RAP1GAP2: variants seen among roughly 807,000 people sequenced by gnomAD.
RAP1GAP2 encodes the protein rap1 GTPase-activating protein 2.
RAP1GAP2 carries 27 observed loss-of-function variants against 95.0 expected under a neutral mutation model. The ratio of observed to expected loss-of-function variants is 0.28; its 90% CI spans 0.21 to 0.39. The LOEUF is 0.39. RAP1GAP2 is among the 10% of genes least tolerant of loss of function. The pLI is 1.00. For missense variants in RAP1GAP2, 771 were observed against 970.0 expected, an observed-to-expected ratio of 0.79 and a Z score of 2.72; for synonymous variants, 373 against 380.9, an observed-to-expected ratio of 0.98 and a Z score of 0.24.
At chr17:2,757,872 A>G (rs1171898859) in intron 1 of RAP1GAP2, among the ~76,000 whole-genome samples, 1 of 147,512 alleles carries the variant, frequency 6.8e-6, no homozygotes, top group Non-Finnish European at 1.5e-5. Context: ...ATGATGCCTG[A>G]ATTTTTTTTT....
intron 3 of RAP1GAP2, among the ~76,000 whole-genome samples, chr17:2,916,375 C>A (rs564009129): frequency 1.3e-4 from 20 of 152,314 alleles, no homozygotes; most frequent in Admixed American, 8.5e-4. Flanking sequence ...TTCAACAAAG[C>A]ACCGTAGGCA....
chr17:2,905,992 G>A (rs565555919), intron 3 of RAP1GAP2, among the ~76,000 whole-genome samples: 46 of 152,310 alleles, frequency 3.0e-4, no homozygotes, highest in African/African-American at 1.1e-3. Context: ...TCAGTCCGAC[G>A]CCTCGGCAGG....
At chr17:2,805,187 G>GA (rs899457179) in intron 2 of RAP1GAP2, among the ~76,000 whole-genome samples, 1 of 152,190 alleles carries the variant, frequency 6.6e-6, no homozygotes, top group African/African-American at 2.4e-5. Flanking sequence ...AGGAAGGAGA[G>GA]AAAGAGGCAG....
At chr17:2,944,964 G>A (rs1210916315) in intron 3 of RAP1GAP2, among the ~76,000 whole-genome samples, 1 of 152,044 alleles carries the variant, frequency 6.6e-6, no homozygotes, top group African/African-American at 2.4e-5. Flanking sequence ...CTCACTGCAA[G>A]CTCTGTCTCC....
In RAP1GAP2 at chr17:2,985,043, G is replaced by A. The variant is rs944207789; in HGVS notation, c.790G>A (p.Val264Ile). The change falls in exon 11 of 25, where the codon GTC (valine) becomes ATC (isoleucine). Residue 264 changes from valine (V) to isoleucine (I), a missense_variant. Coordinates refer to ENST00000254695, the MANE Select transcript of RAP1GAP2 (RefSeq NM_015085.5). Reference sequence around the variant, plus strand: ...AGTCAACAACACATTCAAATTCGGAGTCATTTATCAAAAAGCCAGGCAGGT... The same window carrying A: ...AGTCAACAACACATTCAAATTCGGAATCATTTATCAAAAAGCCAGGCAGGT... ...HEVNNTFKFG[V>I]IYQKARQTLE... 6.2e-7 allele frequency: 1 copy of A among 1,613,660 alleles called. No individual in the cohort carries two copies. Among genetic ancestry groups the A allele is most frequent in the African/African-American group, 1.3e-5 (1 of 74,844 alleles).
In RAP1GAP2 at chr17:2,855,009, T is replaced by A. The variant is rs2072072752; in HGVS notation, c.81-50275T>A. Among the ~76,000 whole-genome samples, 1 of 152,116 alleles carries A rather than the reference T, an allele frequency of 6.6e-6. No individual in the cohort carries two copies. The highest frequency in any genetic ancestry group is 2.1e-4 in the South Asian group (1 of 4,832). ...TTGGAATGGTTAATACCGCACCCTATAAGACACGGGCAGTGGAACCAGAGA... is the reference window on the plus strand; with the variant it reads ...TTGGAATGGTTAATACCGCACCCTAAAAGACACGGGCAGTGGAACCAGAGA... On this transcript the variant is annotated intron_variant, in intron 2 of 24. Coordinates refer to ENST00000254695, the MANE Select transcript of RAP1GAP2 (RefSeq NM_015085.5). This position sits in a 1 kb window ranked among gnomAD's most constrained non-coding sequence, Gnocchi z 4.3.
intron 2 of RAP1GAP2, among the ~76,000 whole-genome samples, chr17:2,848,776 A>C (rs950141825): frequency 2.6e-5 from 4 of 152,088 alleles, no homozygotes; most frequent in Admixed American, 6.5e-5. Context: ...GGCCTTCCAA[A>C]GTGTTGGGAT....
upstream of RAP1GAP2, among the ~76,000 whole-genome samples, chr17:2,791,701 C>T (rs564295020): frequency 2.1e-4 from 32 of 152,256 alleles, no homozygotes; most frequent in African/African-American, 7.5e-4. Context: ...AGGAGACTCA[C>T]AGATGCCGGT....
intron 2 of RAP1GAP2, among the ~76,000 whole-genome samples, chr17:2,848,522 T>G (rs2071685386): frequency 6.6e-6 from 1 of 151,512 alleles, no homozygotes; most frequent in Non-Finnish European, 1.5e-5. Context: ...TTTAATTAGT[T>G]ATTTATTTAT....
rs901807286 is a variant in RAP1GAP2 at position 2,963,354 on chromosome 17, C to A, written c.247-76C>A. On this transcript the variant is annotated intron_variant, in intron 5 of 24. Coordinates refer to ENST00000254695, the MANE Select transcript of RAP1GAP2 (RefSeq NM_015085.5). This position sits in a 1 kb window ranked among gnomAD's most constrained non-coding sequence, Gnocchi z 4.8. Reference sequence around the variant, plus strand: ...GCCCCCCCACAACATATCCCCCTTGCAAGACCTGGAAACAGTGGTCAGACT... The same window carrying A: ...GCCCCCCCACAACATATCCCCCTTGAAAGACCTGGAAACAGTGGTCAGACT... The A allele has an allele frequency of 3.8e-6, 6 of 1,561,822 alleles. 1 individual carries two copies. The South Asian group carries it at 5.6e-5, about 14-fold the overall frequency.
At chr17:2,959,293 G>T (rs1313340874) in intron 4 of RAP1GAP2, among the ~76,000 whole-genome samples, 1 of 152,128 alleles carries the variant, frequency 6.6e-6, no homozygotes, top group Non-Finnish European at 1.5e-5. Flanking sequence ...TGTAGAGGCT[G>T]CAGGGCTTGT....
intron 11 of RAP1GAP2, among the ~76,000 whole-genome samples, chr17:2,988,680 T>A (rs2045640182): frequency 6.6e-6 from 1 of 152,238 alleles, no homozygotes; most frequent in Non-Finnish European, 1.5e-5. Flanking sequence ...TATATAGGTT[T>A]TTGTGTGAAC....
chr17:2,970,409 A>G (rs2044816228), intron 8 of RAP1GAP2, among the ~76,000 whole-genome samples: 1 of 152,170 alleles, frequency 6.6e-6, no homozygotes, highest in Admixed American at 6.5e-5. Flanking sequence ...ATAGTTTCTC[A>G]GATGAGATAG....
At chr17:2,780,524 G>A (rs12937313) in intron 1 of RAP1GAP2, among the ~76,000 whole-genome samples, 1 of 152,062 alleles carries the variant, frequency 6.6e-6, no homozygotes, top group Non-Finnish European at 1.5e-5. Flanking sequence ...GGCCTTGTCT[G>A]CCTACCCTCT....
chr17:2,777,381 C>G (rs956176969), intron 1 of RAP1GAP2: 35 of 152,378 alleles, frequency 2.3e-4, no homozygotes, highest in African/African-American at 7.0e-4. Context: ...CATCCTCGCT[C>G]CAGCCTGTGC....
At chr17:2,950,026 T>C (rs1424993178) in intron 3 of RAP1GAP2, among the ~76,000 whole-genome samples, 1 of 150,038 alleles carries the variant, frequency 6.7e-6, no homozygotes, top group Non-Finnish European at 1.5e-5. Flanking sequence ...GCATCTTCAT[T>C]CAGACCCATT....
intron 3 of RAP1GAP2, among the ~76,000 whole-genome samples, chr17:2,921,118 G>A (rs1036834875): frequency 2.0e-5 from 3 of 152,170 alleles, no homozygotes; most frequent in Non-Finnish European, 4.4e-5. Flanking sequence ...GCCTTGGGGT[G>A]TAGATTTGAT....
upstream of RAP1GAP2, among the ~76,000 whole-genome samples, chr17:2,793,131 T>A (rs1480227226): frequency 1.3e-5 from 2 of 151,794 alleles, no homozygotes; most frequent in Admixed American, 1.3e-4. Context: ...ACTGATTTTT[T>A]AAAAAAGTAA....
chr17:2,791,982 T>C (rs2068937674), upstream of RAP1GAP2, among the ~76,000 whole-genome samples: 1 of 151,736 alleles, frequency 6.6e-6, no homozygotes, highest in Admixed American at 6.6e-5. Context: ...GCCTCAGCCT[T>C]CCGAGGAGCT....
Sources: gnomAD v4.1 joint callset for allele counts (sites outside exome capture counted in the v4.1 genomes callset) on GRCh38, gnomAD v4.1.1 for gene constraint, Gnocchi (gnomAD v3.1) non-coding constraint, MANE v1.5 for transcripts, NCBI Gene and HGNC (gene_info 2026-07-23, HGNC 2026-07-21) for gene names.